Variants in CDH13 observed in about 807,000 individuals in gnomAD.
CDH13 encodes cadherin-13.
In CDH13, 24 loss-of-function variants were observed where a neutral mutation model predicts 63.8. The ratio of observed to expected loss-of-function variants is 0.38; its 90% confidence interval spans 0.27 to 0.53. The LOEUF (loss-of-function observed/expected upper bound fraction) is 0.53. Ranked by LOEUF, CDH13 falls within the 20% of genes least tolerant of loss-of-function variation. The pLI is 0.85. For synonymous variants in CDH13, 503 were observed against 355.3 expected (o/e 1.42, Z -4.67); for missense variants, 1,049 against 903.1 (o/e 1.16, Z -2.07).
intron 2 of CDH13, among the ~76,000 whole-genome samples, chr16:82,905,868 A>G (rs61127520): frequency 0.17 from 25,633 of 152,144 alleles, 2,602 homozygotes; most frequent in African/African-American, 0.28. Flanking sequence ...ACACATGGCT[A>G]CTGGCTACAG....
At chr16:82,646,445 C>G (rs148802371) in intron 1 of CDH13, 2 of 152,160 alleles carry the variant, frequency 1.3e-5, no homozygotes, top group African/African-American at 2.4e-5. Flanking sequence ...CTGCTCGCCT[C>G]GACCTCCCAA....
chr16:83,039,191 C>T (rs1917125340), intron 3 of CDH13, among the ~76,000 whole-genome samples: 2 of 152,322 alleles, frequency 1.3e-5, no homozygotes, highest in Middle Eastern at 3.4e-3. Context: ...TGGAGTTATT[C>T]CTCAAATGCA....
At chr16:82,751,106 G>C (rs2034395909) in intron 1 of CDH13, among the ~76,000 whole-genome samples, 1 of 152,020 alleles carries the variant, frequency 6.6e-6, no homozygotes, top group South Asian at 2.1e-4. Context: ...TTAATCATAT[G>C]TAATCTTCAG....
chr16:82,881,019 T>C (rs1381204245), intron 2 of CDH13, among the ~76,000 whole-genome samples: 2 of 152,316 alleles, frequency 1.3e-5, no homozygotes, highest in East Asian at 3.9e-4. Context: ...TTCCTCTGGG[T>C]TTATCTTGAC....
rs1237837266 is a variant in CDH13, at chr16:83,173,483, G to T, written c.484-43862G>T. On this transcript the variant is annotated intron_variant, in intron 4 of 13. Coordinates refer to ENST00000567109, the MANE Select transcript of CDH13 (RefSeq NM_001257.5). ...ATTAAGGCAAGATCTCTTGGGACTG[G>T]TGTTTCTTGAATAGACTTGCCAGAC... 2.0e-5 allele frequency among the ~76,000 whole-genome samples: 3 copies of T among 151,998 alleles called. No homozygotes were observed. In the East Asian group the frequency reaches 5.8e-4, roughly 29 times the overall value.
At chr16:82,664,128 G>T (rs1362200958) in intron 1 of CDH13, among the ~76,000 whole-genome samples, 3 of 152,248 alleles carry the variant, frequency 2.0e-5, no homozygotes, top group Non-Finnish European at 4.4e-5. Context: ...ACAGTGAAGG[G>T]TTGAGGCAGT....
chr16:83,664,026 A>G (rs1213771735), intron 8 of CDH13, among the ~76,000 whole-genome samples: 1 of 151,878 alleles, frequency 6.6e-6, no homozygotes, highest in Admixed American at 6.6e-5. Flanking sequence ...TAAATTAGCC[A>G]GTCATGGTGG....
At chr16:83,189,563 C>T (rs1227671086) in intron 4 of CDH13, among the ~76,000 whole-genome samples, 1 of 152,176 alleles carries the variant, frequency 6.6e-6, no homozygotes, top group African/African-American at 2.4e-5. Flanking sequence ...CTCCCATAGT[C>T]AGGAAATCCA....
At chr16:83,290,640 A>T (rs916862783) in intron 5 of CDH13, among the ~76,000 whole-genome samples, 1 of 152,172 alleles carries the variant, frequency 6.6e-6, no homozygotes, top group African/African-American at 2.4e-5. Context: ...ACAGAGTAAT[A>T]TATTCCCTCT....
chr16:83,314,691 A>G lies in CDH13; in HGVS notation c.637-30171A>G, dbSNP rs530394269. On this transcript the variant is annotated intron_variant, in intron 5 of 13. Coordinates refer to ENST00000567109, the MANE Select transcript of CDH13 (RefSeq NM_001257.5). ...ATGGCGGTGTTGGACTTAATGAGAC[A>G]TGATTCTGTACTATACTTAATAGGC... is the stretch of plus-strand genomic sequence containing the variant. Among the ~76,000 whole-genome samples the G allele has an allele frequency of 4.6e-5, 7 of 152,314 alleles. No individual in the cohort carries two copies. The East Asian group carries it at 1.2e-3, about 25-fold the overall frequency.
At chr16:83,263,511 G>A (rs1334437731) in intron 5 of CDH13, among the ~76,000 whole-genome samples, 1 of 152,068 alleles carries the variant, frequency 6.6e-6, no homozygotes, top group African/African-American at 2.4e-5. Context: ...TCCTTGACTT[G>A]GTTCATAGGA....
chr16:83,563,874 T>A (rs2075748325), intron 7 of CDH13, among the ~76,000 whole-genome samples: 1 of 152,154 alleles, frequency 6.6e-6, no homozygotes, highest in Non-Finnish European at 1.5e-5. Context: ...GTGGGATGGG[T>A]CGTTTTGTTT....
Position 82,762,492 on chromosome 16 carries a change from C to A in CDH13, c.46-95870C>A, listed in dbSNP as rs140373068. ...GTGAGAGGATGTTATTTAATAAACC[C>A]CTAAGTCAGTAATTCTAATGATTCA... On this transcript the variant is annotated intron_variant, in intron 1 of 13. Coordinates refer to ENST00000567109, the MANE Select transcript of CDH13 (RefSeq NM_001257.5). 1.6e-3 allele frequency among the ~76,000 whole-genome samples: 244 copies of A among 152,220 alleles called. 1 individual carries two copies. The highest frequency in any genetic ancestry group is 5.0e-3 in the African/African-American group (208 of 41,524).
chr16:83,499,607 T>C (rs1301429277), intron 7 of CDH13, among the ~76,000 whole-genome samples: 1 of 152,242 alleles, frequency 6.6e-6, no homozygotes, highest in African/African-American at 2.4e-5. Context: ...TCCCTTTTGG[T>C]TAAAACTATG....
chr16:83,424,247 A>G (rs910543525), intron 6 of CDH13, among the ~76,000 whole-genome samples: 1 of 149,396 alleles, frequency 6.7e-6, no homozygotes, highest in African/African-American at 2.4e-5. Flanking sequence ...GGAAAATCCA[A>G]CATGGACTGG....
chr16:83,026,711 T>A (rs56125157), intron 2 of CDH13, among the ~76,000 whole-genome samples: 3,714 of 152,288 alleles, frequency 0.024, 64 homozygotes, highest in South Asian at 0.049. Context: ...TATGGACTTG[T>A]ACAGTCCTTT....
intron 2 of CDH13, among the ~76,000 whole-genome samples, chr16:82,928,086 A>G (rs1376144847): frequency 6.6e-6 from 1 of 151,934 alleles, no homozygotes; most frequent in Non-Finnish European, 1.5e-5. Context: ...AGATTGTTTT[A>G]TTTCAGAACT....
intron 1 of CDH13, among the ~76,000 whole-genome samples, chr16:82,726,341 T>C (rs761952833): frequency 4.6e-5 from 7 of 152,212 alleles, no homozygotes; most frequent in African/African-American, 7.2e-5. Flanking sequence ...AGCAAGAAGA[T>C]ACATATAAGT....
rs1230170089 is a variant in CDH13 at position 82,713,821 on chromosome 16, C to CA, written c.45+86693dup. Among the ~76,000 whole-genome samples, 41 of 141,118 alleles carry CA rather than the reference C, an allele frequency of 2.9e-4. 1 individual carries two copies. Among genetic ancestry groups the CA allele is most frequent in the African/African-American group, 4.0e-4 (15 of 37,672 alleles). 92.6% of individuals were successfully genotyped at this position (141,118 alleles called of 152,430 possible). ...CTGTATTTGTGAAAAAAAAAACAAA[C>CA]AAAAAAAAAGGAAAACAATAGTTTC... On this transcript the variant is annotated intron_variant, in intron 1 of 13. Transcript: ENST00000567109.
Sources: gnomAD v4.1 joint callset for allele counts (sites outside exome capture counted in the v4.1 genomes callset) on GRCh38, gnomAD v4.1.1 for gene constraint, MANE v1.5 for transcripts, NCBI Gene and HGNC (gene_info 2026-07-23, HGNC 2026-07-21) for gene names.